The following FSIP2 variants were observed in gnomAD, a reference collection of about 807,000 sequenced individuals.
FSIP2 encodes the protein fibrous sheath interacting protein 2, also known as fibrous sheath-interacting protein 2.
Under a neutral mutation model 510.5 loss-of-function variants are expected in FSIP2, and 367 were observed. That is an observed-to-expected ratio of 0.72 (90% CI 0.66 to 0.78). The LOEUF (loss-of-function observed/expected upper bound fraction) is 0.78, where lower values mean the gene tolerates loss of function less well. Among genes scored for constraint, FSIP2 ranks in the 30% least tolerant of loss-of-function variants. FSIP2 has a pLI of 0.00. For synonymous variants in FSIP2, 2,601 were observed against 2,732.2 expected (o/e 0.95, Z 1.50); for missense variants, 7,594 against 7,901.7 (o/e 0.96, Z 1.48).
upstream of FSIP2, chr2:185,738,743 G>T (rs978062886): frequency 1.1e-4 from 163 of 1,535,890 alleles, 1 homozygote; most frequent in Non-Finnish European, 1.3e-4. Context: ...GCCCTTCTGG[G>T]GCCGCTACCA....
Position 185,813,662 on chromosome 2 carries a change from G to T in FSIP2, c.19945G>T (p.Asp6649Tyr). Residue 6649 changes from aspartate to tyrosine, a missense_variant, in exon 18 of 23, where the codon GAT (aspartate) becomes TAT (tyrosine). Transcript: ENST00000424728. The part of the protein sequence containing the change: ...LIVRLVAHDI[D>Y]QVYLENYIKE... ...TGTTCGATTAGTAGCTCATGATATT[G>T]ATCAAGTGTATTTGGAAAATTACAT... 1 of 1,607,708 alleles carries T rather than the reference G, an allele frequency of 6.2e-7. No homozygotes were observed. The highest frequency in any genetic ancestry group is 1.1e-5 in the South Asian group (1 of 90,030).
chr2:185,776,401 C>T (rs17814545), intron 13 of FSIP2, among the ~76,000 whole-genome samples: 82,784 of 151,964 alleles, frequency 0.54, 22,803 homozygotes, highest in South Asian at 0.64. Flanking sequence ...TTGCTTTATA[C>T]GTATTTTTTA....
At chr2:185,783,849 A>C (rs536097106) in intron 14 of FSIP2, 13 of 152,306 alleles carry the variant, frequency 8.5e-5, no homozygotes, top group Non-Finnish European at 1.6e-4. Context: ...CTACCCAAGA[A>C]TGTAGAACTA....
Position 185,789,813 on chromosome 2 carries a change from T to A in FSIP2, c.2677T>A (p.Ser893Thr). Residue 893 changes from serine to threonine, a missense_variant, in exon 16 of 23, where the codon TCA becomes ACA. By Grantham distance (58) the Ser-to-Thr change is moderately conservative. Transcript: ENST00000424728. ...IVNEEVQNLI[S>T]NIFSQSSLVA... ...CAATGAAGAAGTACAAAATTTAATATCAAATATTTTTTCCCAGTCTTCTTT... is the reference window on the plus strand; with the variant it reads ...CAATGAAGAAGTACAAAATTTAATAACAAATATTTTTTCCCAGTCTTCTTT... The A allele has an allele frequency of 6.5e-7, 1 of 1,533,268 alleles. No individual in the cohort carries two copies. The highest frequency in any genetic ancestry group is 8.7e-7 in the Non-Finnish European group (1 of 1,144,874). The allele number at this position is 1,533,268 out of a possible 1,614,324, so 95.0% of individuals were successfully genotyped here.
In FSIP2 at chr2:185,804,257, T is replaced by A; in HGVS notation, c.14951T>A (p.Ile4984Asn). 2 of 1,529,312 alleles carry A rather than the reference T, an allele frequency of 1.3e-6. No individual in the cohort carries two copies. Among genetic ancestry groups the A allele is most frequent in the South Asian group, 2.4e-5 (2 of 82,810 alleles). 94.7% of individuals were successfully genotyped at this position (1,529,312 alleles called of 1,614,324 possible). The stretch of plus-strand genomic sequence containing the variant: ...AGAGTGAAACTGAAACTTACCAGGA[T>A]TGTTACAACATTGGTAAATTCAATT... ...PDRVKLKLTR[I>N]VTTLVNSIVL... The change falls in exon 17 of 23, where the codon ATT (isoleucine) becomes AAT (asparagine). Residue 4984 changes from isoleucine to asparagine, a missense_variant. By Grantham distance (149) the Ile-to-Asn change is moderately radical. Transcript: ENST00000424728.
In FSIP2 at chr2:185,812,213, C is replaced by T. The variant is rs900842640; in HGVS notation, c.19828-1332C>T. 2.0e-5 allele frequency among the ~76,000 whole-genome samples: 3 copies of T among 152,094 alleles called. 1 individual carries two copies. Among genetic ancestry groups the T allele is most frequent in the African/African-American group, 7.2e-5 (3 of 41,438 alleles). ...ACCACAGGGGCAGGACTGCCCAAGG[C>T]CTTGAGAGCCCCACCCCTTCCATCA... On this transcript the variant is annotated intron_variant, in intron 17 of 22. Transcript: ENST00000424728.
chr2:185,800,016 T>A lies in FSIP2; in HGVS notation c.10710T>A (p.Asn3570Lys). The part of the protein sequence containing the change: ...ISEIIIKILF[N>K]NKIIQADIAQ... ...AAATCATTATTAAAATTCTTTTTAA[T>A]AATAAAATTATACAGGCTGACATTG... is the stretch of plus-strand genomic sequence containing the variant. Residue 3570 changes from asparagine to lysine, a missense_variant, in exon 17 of 23, where the codon AAT becomes AAA. By Grantham distance (94) the Asn-to-Lys change is moderately conservative. Coordinates refer to ENST00000424728, the MANE Select transcript of FSIP2 (RefSeq NM_173651.4). 6.6e-7 allele frequency: 1 copy of A among 1,519,146 alleles called. No homozygotes were observed. The highest frequency in any genetic ancestry group is 8.8e-7 in the Non-Finnish European group (1 of 1,136,710). 94.1% of individuals were successfully genotyped at this position (1,519,146 alleles called of 1,614,324 possible). A position where few individuals can be genotyped will look rare whatever the true frequency, so the allele number is the denominator to read the frequency against.
At chr2:185,753,108 C>A (rs13030170) in intron 7 of FSIP2, among the ~76,000 whole-genome samples, 16,791 of 151,084 alleles carry the variant, frequency 0.11, 975 homozygotes, top group Middle Eastern at 0.14. Flanking sequence ...TGAAATATTT[C>A]TAGGGGGAAT....
intron 14 of FSIP2, among the ~76,000 whole-genome samples, chr2:185,783,337 CAAGAA>C (rs1457682739): frequency 2.0e-5 from 3 of 151,966 alleles, no homozygotes; most frequent in Non-Finnish European, 4.4e-5. Context: ...TTTCTCAACT[CAAGAA>C]AAGAAAGAGA....
At chr2:185,740,736 C>T (rs1360152055) in intron 2 of FSIP2, among the ~76,000 whole-genome samples, 2 of 152,008 alleles carry the variant, frequency 1.3e-5, no homozygotes, top group African/African-American at 2.4e-5. Context: ...TTATTACCTC[C>T]CTGCATGGTA....
At chr2:185,776,402 G>A (rs752086758) in intron 13 of FSIP2, among the ~76,000 whole-genome samples, 2 of 151,990 alleles carry the variant, frequency 1.3e-5, no homozygotes, top group Admixed American at 6.6e-5. Flanking sequence ...TGCTTTATAC[G>A]TATTTTTTAA....
intron 4 of FSIP2, 39 bp downstream of exon 4, chr2:185,744,450 T>C: frequency 4.0e-6 from 2 of 493,852 alleles, no homozygotes; most frequent in Admixed American, 4.4e-5. Flanking sequence ...TTACATAGAG[T>C]TTGGAAGAAA....
chr2:185,753,750 C>A lies in FSIP2; in HGVS notation c.899C>A (p.Ala300Asp). 7.5e-7 allele frequency: 1 copy of A among 1,328,548 alleles called. No homozygotes were observed. Among genetic ancestry groups the A allele is most frequent in the Non-Finnish European group, 1.0e-6 (1 of 976,214 alleles). 82.3% of individuals were successfully genotyped at this position (1,328,548 alleles called of 1,614,324 possible). The change falls in exon 8 of 23, where the codon GCT (alanine) becomes GAT (aspartate). Residue 300 changes from alanine to aspartate, a missense_variant. By Grantham distance (126) the Ala-to-Asp change is moderately radical. Coordinates refer to ENST00000424728, the MANE Select transcript of FSIP2 (RefSeq NM_173651.4). ...CAAGATCTTCTAGAGAAAAAAATGGCTTATCATTTACAAAAAATGCAAGAT... is the reference window on the plus strand; with the variant it reads ...CAAGATCTTCTAGAGAAAAAAATGGATTATCATTTACAAAAAATGCAAGAT... ...KKQDLLEKKM[A>D]YHLQKMQDTG...
chr2:185,810,140 A>C (rs1397922386), intron 17 of FSIP2, among the ~76,000 whole-genome samples: 3 of 152,016 alleles, frequency 2.0e-5, no homozygotes, highest in Non-Finnish European at 2.9e-5. Flanking sequence ...ACTAAACTGA[A>C]TCTCAAGGCT....
Position 185,813,903 on chromosome 2 carries a change from G to A in FSIP2, c.20186G>A (p.Ser6729Asn). The A allele has an allele frequency of 6.2e-7, 1 of 1,613,738 alleles. No homozygotes were observed. Among genetic ancestry groups the A allele is most frequent in the Non-Finnish European group, 8.5e-7 (1 of 1,179,780 alleles). ...CQTTASANIE[S>N]TEAISNQVIE... ...ACCACAGCCAGTGCAAATATTGAAAGTACTGAAGCAATCTCAAATCAGGTA... is the reference window on the plus strand; with the variant it reads ...ACCACAGCCAGTGCAAATATTGAAAATACTGAAGCAATCTCAAATCAGGTA... The change falls in exon 18 of 23, where the codon AGT (serine) becomes AAT (asparagine). Residue 6729 changes from serine (S) to asparagine (N), a missense_variant. Ser to Asn is a conservative substitution (Grantham distance 46, BLOSUM62 1). Coordinates refer to ENST00000424728, the MANE Select transcript of FSIP2 (RefSeq NM_173651.4).
rs1693484459 is a variant in FSIP2, at chr2:185,803,303, C to T, written c.13997C>T (p.Thr4666Ile). ...EKAEELIHLI[T>I]GEFSKAQVSI... ...GCTGAAGAACTCATACATTTGATTA[C>T]AGGGGAATTCTCAAAAGCCCAAGTT... Residue 4666 changes from threonine (T) to isoleucine (I), a missense_variant, in exon 17 of 23, where the codon ACA becomes ATA. Thr to Ile is a moderately conservative substitution (Grantham distance 89). Coordinates refer to ENST00000424728, the MANE Select transcript of FSIP2 (RefSeq NM_173651.4). The T allele has an allele frequency of 6.5e-7, 1 of 1,527,080 alleles. No homozygotes were observed. Among genetic ancestry groups the T allele is most frequent in the Non-Finnish European group, 8.7e-7 (1 of 1,143,114 alleles). 94.6% of individuals were successfully genotyped at this position (1,527,080 alleles called of 1,614,324 possible).
intron 15 of FSIP2, 110 bp downstream of exon 15, chr2:185,786,398 T>C: frequency 1.4e-6 from 1 of 710,272 alleles, no homozygotes; most frequent in Non-Finnish European, 2.3e-6. Context: ...CATTGATATT[T>C]GTTAGGCTTC....
intron 17 of FSIP2, 38 bp from the exon 18 acceptor site, chr2:185,813,507 G>T (rs750813431): frequency 1.5e-6 from 2 of 1,298,286 alleles, no homozygotes; most frequent in Admixed American, 5.7e-5. Context: ...AGTGATTTAG[G>T]CATTTGATTT....
chr2:185,805,214 T>C lies in FSIP2; in HGVS notation c.15908T>C (p.Met5303Thr), dbSNP rs759309460. 1.2e-6 allele frequency: 2 copies of C among 1,602,920 alleles called. No individual in the cohort carries two copies. Among genetic ancestry groups the C allele is most frequent in the African/African-American group, 2.7e-5 (2 of 74,226 alleles). ...ACTGAAGATTCTAAGAAAAATGAAA[T>C]GGCAGAGCTAGATATTATGGGCTTG... ...IITEDSKKNE[M>T]AELDIMGLAL... Residue 5303 changes from methionine (M) to threonine (T), a missense_variant, in exon 17 of 23, where the codon ATG (methionine) becomes ACG (threonine). Coordinates refer to ENST00000424728, the MANE Select transcript of FSIP2 (RefSeq NM_173651.4).
Sources: allele counts gnomAD v4.1 joint callset (sites outside exome capture counted in the v4.1 genomes callset), GRCh38; gene constraint gnomAD v4.1.1; transcripts MANE v1.5; gene names NCBI Gene and HGNC (gene_info 2026-07-23, HGNC 2026-07-21).